AFF3: variants seen among roughly 807,000 people sequenced by gnomAD.
AFF3 encodes AF4/FMR2 family member 3.
In AFF3, 32 loss-of-function variants were observed where a neutral mutation model predicts 129.7. That is an observed-to-expected ratio of 0.25 (90% CI 0.19 to 0.33). AFF3 has a LOEUF of 0.33. Ranked by LOEUF, AFF3 falls within the 10% of genes least tolerant of loss-of-function variation. AFF3 has a pLI of 1.00. For missense variants in AFF3, 1,373 were observed against 1,592.0 expected, an observed-to-expected ratio of 0.86 and a Z score of 2.34; for synonymous variants, 644 against 635.4, an observed-to-expected ratio of 1.01 and a Z score of -0.20.
chr2:99,584,494 A>G (rs1159766466), intron 16 of AFF3, among the ~76,000 whole-genome samples: 2 of 152,122 alleles, frequency 1.3e-5, no homozygotes, highest in East Asian at 1.9e-4. Flanking sequence ...AATAAATAAA[A>G]TAATAAATAA....
intron 12 of AFF3, among the ~76,000 whole-genome samples, chr2:99,667,945 A>G (rs1178928353): frequency 1.3e-5 from 2 of 151,918 alleles, no homozygotes. Context: ...TCATGAGGTC[A>G]GGAGATCGAG....
At chr2:99,727,302 C>T (rs1442957448) in intron 10 of AFF3, among the ~76,000 whole-genome samples, 174 bp from the exon 11 acceptor site, 1 of 152,204 alleles carries the variant, frequency 6.6e-6, no homozygotes, top group Non-Finnish European at 1.5e-5. Context: ...AATTTCTTTT[C>T]TGCAATGCAA....
At chr2:100,141,850 G>A (rs1692894505) in intron 1 of AFF3, among the ~76,000 whole-genome samples, 2 of 152,074 alleles carry the variant, frequency 1.3e-5, no homozygotes, top group Admixed American at 6.5e-5. Context: ...TACATGATGT[G>A]TTTATGCACA....
intron 4 of AFF3, among the ~76,000 whole-genome samples, chr2:100,022,988 T>A (rs931731834): frequency 6.6e-6 from 1 of 152,218 alleles, no homozygotes; most frequent in African/African-American, 2.4e-5. Flanking sequence ...CATCAATTAG[T>A]CCTCTGCCGA....
chr2:99,928,492 T>G (rs6707538), intron 7 of AFF3, among the ~76,000 whole-genome samples: 1 of 152,098 alleles, frequency 6.6e-6, no homozygotes, highest in African/African-American at 2.4e-5. Flanking sequence ...CCTAATTACA[T>G]TTCTATAACT....
chr2:99,982,152 T>A (rs1184584508), intron 7 of AFF3, among the ~76,000 whole-genome samples: 5 of 152,232 alleles, frequency 3.3e-5, no homozygotes, highest in African/African-American at 1.2e-4. Flanking sequence ...AGGTGACTGA[T>A]ATGGTTTGGC....
At chr2:99,849,745 T>C (rs1690009345) in intron 7 of AFF3, among the ~76,000 whole-genome samples, 3 of 152,252 alleles carry the variant, frequency 2.0e-5, no homozygotes, top group African/African-American at 7.2e-5. Flanking sequence ...TGATGTTATC[T>C]CTACCATTCT....
chr2:100,060,456 G>A (rs1374892712), intron 4 of AFF3, among the ~76,000 whole-genome samples: 2 of 152,078 alleles, frequency 1.3e-5, no homozygotes, highest in Non-Finnish European at 2.9e-5. Context: ...CTGCTTAACC[G>A]GGCTACCTTT....
intron 7 of AFF3, among the ~76,000 whole-genome samples, chr2:99,947,547 AAGAAAG>A (rs1675703005): frequency 6.9e-6 from 1 of 145,232 alleles, no homozygotes; most frequent in South Asian, 2.1e-4. Context: ...AAAAGAGAGA[AAGAAAG>A]AGAGAGAAAG....
chr2:99,562,236 C>A (rs183903423), intron 20 of AFF3, among the ~76,000 whole-genome samples: 19 of 152,182 alleles, frequency 1.2e-4, no homozygotes, highest in Non-Finnish European at 2.4e-4. Context: ...GCCATTATTT[C>A]TTCAAATACT....
In AFF3 at chr2:99,942,517, C is replaced by T. The variant is rs1441472939; in HGVS notation, c.873+64115G>A. On this transcript the variant is annotated intron_variant, in intron 7 of 24. Transcript: ENST00000672756. ...CCTCAATGTAAAGGGTATATTTAAA[C>T]TAAGATTATGAATTAAGTGGGGGGA... 4.2e-5 allele frequency among the ~76,000 whole-genome samples: 5 copies of T among 119,610 alleles called. No homozygotes were observed. In the Admixed American group the frequency reaches 6.2e-4, roughly 15 times the overall value. The allele number at this position is 119,610 out of a possible 152,430, so 78.5% of individuals were successfully genotyped here.
intron 20 of AFF3, among the ~76,000 whole-genome samples, chr2:99,562,611 T>TG (rs1675570097): frequency 1.3e-5 from 2 of 152,272 alleles, no homozygotes; most frequent in Non-Finnish European, 1.5e-5. Flanking sequence ...CCTTGTCAGA[T>TG]AATTGCAGCA....
In AFF3 at chr2:99,799,560, A is replaced by C. The variant is rs1262128277; in HGVS notation, c.921+37917T>G. ...CAATTCTTTCTAAATTCATTTGTAGATTCAATGCAATCATAATAAAAATCC... is the reference window on the plus strand; with the variant it reads ...CAATTCTTTCTAAATTCATTTGTAGCTTCAATGCAATCATAATAAAAATCC... On this transcript the variant is annotated intron_variant, in intron 8 of 24. Transcript: ENST00000672756. 2.0e-5 allele frequency among the ~76,000 whole-genome samples: 3 copies of C among 152,102 alleles called. No homozygotes were observed. In the East Asian group the frequency reaches 5.8e-4, roughly 29 times the overall value.
At chr2:99,720,638 T>C (rs1234100283) in intron 11 of AFF3, among the ~76,000 whole-genome samples, 1 of 152,244 alleles carries the variant, frequency 6.6e-6, no homozygotes, top group African/African-American at 2.4e-5. Context: ...TTAATGCAGT[T>C]ACTAATATGA....
At chr2:99,557,837 T>C (rs892152881) in intron 22 of AFF3, among the ~76,000 whole-genome samples, 2 of 152,052 alleles carry the variant, frequency 1.3e-5, no homozygotes, top group South Asian at 2.1e-4. Context: ...CTAGAGGAGG[T>C]TGGGCATGAA....
At chr2:99,553,918 C>CAAAAAAAAAAAAAAAAAAAAAAAAAAAAA (rs61326965) in intron 24 of AFF3, among the ~76,000 whole-genome samples, 11 of 56,954 alleles carry the variant, frequency 1.9e-4, no homozygotes, top group East Asian at 1.1e-3. Flanking sequence ...TGTCTCAAAC[C>CAAAAAAAAAAAAAAAAAAAAAAAAAAAAA]AAAAAAAAAA....
chr2:99,736,855 C>T (rs1210262671), intron 10 of AFF3, among the ~76,000 whole-genome samples: 1 of 152,094 alleles, frequency 6.6e-6, no homozygotes, highest in Non-Finnish European at 1.5e-5. Context: ...AGTGATCTGC[C>T]CACCTCGGTC....
chr2:99,904,069 C>T (rs907768221), intron 7 of AFF3, among the ~76,000 whole-genome samples: 12 of 152,080 alleles, frequency 7.9e-5, no homozygotes, highest in Non-Finnish European at 1.6e-4. Flanking sequence ...GTTCTGCCTT[C>T]CTGGGCTCAT....
At chr2:100,009,848 A>G (rs1279769076) in intron 4 of AFF3, among the ~76,000 whole-genome samples, 1 of 152,202 alleles carries the variant, frequency 6.6e-6, no homozygotes, top group Non-Finnish European at 1.5e-5. Context: ...CTCCGTGTAG[A>G]CAACAGAACC....
Sources: allele counts gnomAD v4.1 joint callset (sites outside exome capture counted in the v4.1 genomes callset), GRCh38; gene constraint gnomAD v4.1.1; transcripts MANE v1.5; gene names NCBI Gene and HGNC (gene_info 2026-07-23, HGNC 2026-07-21).